Variants in PER1 observed in about 807,000 individuals in gnomAD.
PER1 encodes period circadian protein homolog 1.
PER1 carries 87 observed loss-of-function variants against 125.9 expected under a neutral mutation model. That is an observed-to-expected ratio of 0.69 (90% CI 0.58 to 0.83). PER1 has a LOEUF of 0.83. Ranked by LOEUF, PER1 falls within the 40% of genes least tolerant of loss-of-function variation. The pLI is 0.00. For missense variants in PER1, 1,775 were observed against 1,722.8 expected (o/e 1.03, Z -0.54); for synonymous variants, 801 against 714.7 (o/e 1.12, Z -1.93).
In PER1 at chr17:8,149,255, C is replaced by T; in HGVS notation, c.905+4G>A. ...AGAGGTCTTCTCCAGTTCCCCTCAC[C>T]TACCTGATACGGCAGAAGACGGACT... On this transcript the variant is annotated splice_donor_region_variant and intron_variant, in intron 7 of 22. Transcript: ENST00000317276. The T allele has an allele frequency of 1.9e-6, 3 of 1,612,692 alleles. No individual in the cohort carries two copies. In the East Asian group the frequency reaches 6.7e-5, roughly 36 times the overall value.
intron 11 of PER1, 42 bp downstream of exon 11, chr17:8,147,632 T>C (rs894827061): frequency 6.2e-7 from 1 of 1,613,630 alleles, no homozygotes; most frequent in Middle Eastern, 1.7e-4. Context: ...CCCACCGCAC[T>C]GCCCTATCCC....
intron 1 of PER1, among the ~76,000 whole-genome samples, chr17:8,151,383 C>T (rs1464187185): frequency 6.6e-6 from 1 of 152,162 alleles, no homozygotes; most frequent in African/African-American, 2.4e-5. Flanking sequence ...GAGGAGCGAC[C>T]CCTCCCCCAT....
intron 18 of PER1, chr17:8,144,350 C>G (rs113342137): frequency 2.4e-6 from 1 of 415,934 alleles, no homozygotes; most frequent in African/African-American, 2.1e-5. Flanking sequence ...CTCCCTCAGG[C>G]ACCTGGAGGG....
intron 13 of PER1, 108 bp from the exon 14 acceptor site, chr17:8,147,110 G>A (rs1982500725): frequency 6.4e-6 from 9 of 1,400,866 alleles, no homozygotes; most frequent in African/African-American, 1.4e-5. Flanking sequence ...CAGACGCCTT[G>A]ATGGGAGCAG....
In PER1 at chr17:8,147,304, C is replaced by T. The variant is rs771699794; in HGVS notation, c.1575G>A (p.Gly525=). 1 of 1,613,494 alleles carries T rather than the reference C, an allele frequency of 6.2e-7. No individual in the cohort carries two copies. Among genetic ancestry groups the T allele is most frequent in the Non-Finnish European group, 8.5e-7 (1 of 1,179,848 alleles). ...CACCCCCGTTGCTATCACTGGAGGA[C>T]CCAGGGCTGTGGAGAGGGCCTGGGG... ...VTSPGPLHSP[G]SSSDSNGGDA... The change falls in exon 13 of 23, where the codon GGG becomes GGA. Residue 525 remains glycine, a synonymous_variant. Coordinates refer to ENST00000317276, the MANE Select transcript of PER1 (RefSeq NM_002616.3).
At position 8,144,990 on chromosome 17, in the gene PER1, A is replaced by G; in HGVS notation, c.2222T>C (p.Ile741Thr). Residue 741 changes from isoleucine to threonine, a missense_variant, in exon 18 of 23, where the codon ATC (isoleucine) becomes ACC (threonine). By Grantham distance (89) the Ile-to-Thr change is moderately conservative. Transcript: ENST00000317276. ...VGDKKPPESD[I>T]IMMEDLPGLA... Reference sequence around the variant, plus strand: ...GCCAGGCAGGTCCTCCATCATGATGATGTCTGAGGAGAGTGAGATAGGGAA... The same window carrying G: ...GCCAGGCAGGTCCTCCATCATGATGGTGTCTGAGGAGAGTGAGATAGGGAA... 6.8e-7 allele frequency: 1 copy of G among 1,477,598 alleles called. No homozygotes were observed. The highest frequency in any genetic ancestry group is 9.0e-7 in the Non-Finnish European group (1 of 1,112,754). 91.5% of individuals were successfully genotyped at this position (1,477,598 alleles called of 1,614,324 possible). A position where few individuals can be genotyped will look rare whatever the true frequency, so the allele number is the denominator to read the frequency against.
chr17:8,152,163 C>A (rs907599738), intron 1 of PER1, among the ~76,000 whole-genome samples, 174 bp downstream of exon 1: 1 of 152,148 alleles, frequency 6.6e-6, no homozygotes, highest in African/African-American at 2.4e-5. Context: ...GTGCAGACTC[C>A]CGGTGCAAGA....
intron 13 of PER1, 102 bp downstream of exon 13, chr17:8,147,148 G>A (rs934046692): frequency 1.4e-6 from 2 of 1,463,402 alleles, no homozygotes; most frequent in South Asian, 1.3e-5. Flanking sequence ...AGGAAGGAGA[G>A]GGCAAAGGAG....
At position 8,147,467 on chromosome 17, in the gene PER1, C is replaced by A. The variant is rs1982529321; in HGVS notation, c.1497+3G>T. ...TCCCAGGCTCCCTCTCCGCTACTCT[C>A]ACCTGCAGCAGCAGCCGGTGGATCT... On this transcript the variant is annotated splice_donor_region_variant and intron_variant, in intron 12 of 22. Transcript: ENST00000317276. 6.2e-7 allele frequency: 1 copy of A among 1,613,538 alleles called. No homozygotes were observed. The highest frequency in any genetic ancestry group is 1.3e-5 in the African/African-American group (1 of 75,026).
At chr17:8,151,018 G>A (rs995425353) in intron 1 of PER1, among the ~76,000 whole-genome samples, 173 bp from the exon 2 acceptor site, 4 of 152,180 alleles carry the variant, frequency 2.6e-5, no homozygotes, top group African/African-American at 9.7e-5. Context: ...CCCTTAGGGG[G>A]ACTGCCAGCG....
rs146141908 is a variant in PER1 at position 8,143,816 on chromosome 17, C to G, written c.2522G>C (p.Arg841Pro). The G allele has an allele frequency of 3.1e-6, 5 of 1,612,172 alleles. No individual in the cohort carries two copies. In the South Asian group the frequency reaches 5.5e-5, roughly 18 times the overall value. The change falls in exon 19 of 23, where the codon CGC becomes CCC. Residue 841 changes from arginine to proline, a missense_variant. Coordinates refer to ENST00000317276, the MANE Select transcript of PER1 (RefSeq NM_002616.3). ...RRHHCRSKAK[R>P]SRHHQNPRAE... Reference sequence around the variant, plus strand: ...CCGAGGGTTCTGGTGGTGGCGTGAGCGCTTGGCTTTGGATCGGCAGTGGTG... The same window carrying G: ...CCGAGGGTTCTGGTGGTGGCGTGAGGGCTTGGCTTTGGATCGGCAGTGGTG...
Position 8,149,805 on chromosome 17 carries a change from T to C in PER1, c.601A>G (p.Thr201Ala). 1 of 1,613,564 alleles carries C rather than the reference T, an allele frequency of 6.2e-7. No homozygotes were observed. The highest frequency in any genetic ancestry group is 2.2e-5 in the East Asian group (1 of 44,872). ...EPCSMDMSTY[T>A]LEELEHITSE... ...GTGATGTGCTCCAGCTCCTCCAGGG[T>C]ATAGGTGGACATGTCCATGGAGCAA... The change falls in exon 5 of 23, where the codon ACC becomes GCC. Residue 201 changes from threonine (T) to alanine (A), a missense_variant. By Grantham distance (58) the Thr-to-Ala change is moderately conservative. Transcript: ENST00000317276.
chr17:8,143,858 G>T lies in PER1; in HGVS notation c.2480C>A (p.Ala827Glu). ...LGERGCHHGPAPPSRRHHCRS... is the reference protein window; with the variant it reads ...LGERGCHHGPEPPSRRHHCRS... Reference sequence around the variant, plus strand: ...GCAGTGGTGTCGGCGGCTTGGGGGTGCGGGGCCGTGGTGGCAGCCTGTGGG... The same window carrying T: ...GCAGTGGTGTCGGCGGCTTGGGGGTTCGGGGCCGTGGTGGCAGCCTGTGGG... The change falls in exon 19 of 23, where the codon GCA becomes GAA. Residue 827 changes from alanine to glutamate, a missense_variant. Coordinates refer to ENST00000317276, the MANE Select transcript of PER1 (RefSeq NM_002616.3). 6.2e-7 allele frequency: 1 copy of T among 1,610,894 alleles called. No individual in the cohort carries two copies.
chr17:8,142,229 C>T (rs760541455), intron 21 of PER1, 40 bp downstream of exon 21: 8 of 1,509,348 alleles, frequency 5.3e-6, no homozygotes, highest in Non-Finnish European at 7.2e-6. Flanking sequence ...CCACTACTAC[C>T]TCTGAAAGGA....
At chr17:8,142,866 G>A (rs760032072) in intron 19 of PER1, 31 bp from the exon 20 acceptor site, 2 of 1,523,578 alleles carry the variant, frequency 1.3e-6, no homozygotes, top group Non-Finnish European at 1.8e-6. Flanking sequence ...AAGGAGGGAT[G>A]GAGGGGTCAG....
chr17:8,147,774 G>A lies in PER1; in HGVS notation c.1288C>T (p.Arg430Cys), dbSNP rs370710200. 1.1e-5 allele frequency: 18 copies of A among 1,613,938 alleles called. No individual in the cohort carries two copies. The highest frequency in any genetic ancestry group is 4.4e-5 in the South Asian group (4 of 91,088). ...TCCATGGTGACATACTCCCCGTTGC[G>A]GGCACAGAAGCGGATAGGGGAGTGG... ...FDHSPIRFCA[R>C]NGEYVTMDTS... is the part of the protein sequence containing the mutation. The change falls in exon 11 of 23, where the codon CGC becomes TGC. Residue 430 changes from arginine (R) to cysteine (C), a missense_variant. Arg to Cys is a radical substitution (Grantham distance 180). Transcript: ENST00000317276.
At position 8,147,493 on chromosome 17, in the gene PER1, G is replaced by T; in HGVS notation, c.1474C>A (p.Gln492Lys). Residue 492 changes from glutamine (Q) to lysine (K), a missense_variant, in exon 12 of 23, where the codon CAG (glutamine) becomes AAG (lysine). By Grantham distance (53) the Gln-to-Lys change is moderately conservative. Coordinates refer to ENST00000317276, the MANE Select transcript of PER1 (RefSeq NM_002616.3). ...LDTDIQELSEQIHRLLLQPVH... is the reference protein window; with the variant it reads ...LDTDIQELSEKIHRLLLQPVH... ...ACCTGCAGCAGCAGCCGGTGGATCT[G>T]CTCTGACAGCTCCTGGATATCAGTG... 1 of 1,613,886 alleles carries T rather than the reference G, an allele frequency of 6.2e-7. No individual in the cohort carries two copies. The highest frequency in any genetic ancestry group is 8.5e-7 in the Non-Finnish European group (1 of 1,179,898).
intron 17 of PER1, 106 bp downstream of exon 17, chr17:8,145,852 C>T (rs1432042899): frequency 3.1e-6 from 4 of 1,302,174 alleles, no homozygotes; most frequent in Admixed American, 4.8e-5. Context: ...TCAAGGGAGG[C>T]CTCCTTCTCT....
Position 8,144,991 on chromosome 17 carries a change from T to C in PER1, c.2221A>G (p.Ile741Val), listed in dbSNP as rs1982337940. The change falls in exon 18 of 23, where the codon ATC becomes GTC. Residue 741 changes from isoleucine (I) to valine (V), a missense_variant and splice_region_variant. Transcript: ENST00000317276. ...CCAGGCAGGTCCTCCATCATGATGA[T>C]GTCTGAGGAGAGTGAGATAGGGAAA... is the stretch of plus-strand genomic sequence containing the variant. The part of the protein sequence containing the change: ...VGDKKPPESD[I>V]IMMEDLPGLA... 6.8e-7 allele frequency: 1 copy of C among 1,478,908 alleles called. No homozygotes were observed. Among genetic ancestry groups the C allele is most frequent in the Non-Finnish European group, 9.0e-7 (1 of 1,113,604 alleles). 91.6% of individuals were successfully genotyped at this position (1,478,908 alleles called of 1,614,324 possible).
Sources: gnomAD v4.1 joint callset for allele counts (sites outside exome capture counted in the v4.1 genomes callset) on GRCh38, gnomAD v4.1.1 for gene constraint, MANE v1.5 for transcripts, NCBI Gene and HGNC (gene_info 2026-07-23, HGNC 2026-07-21) for gene names.